TBCA: variants seen among roughly 807,000 people sequenced by gnomAD.
TBCA encodes tubulin folding cofactor A.
In TBCA, 6 loss-of-function variants were observed where a neutral mutation model predicts 15.8. The ratio of observed to expected loss-of-function variants is 0.38; its 90% CI spans 0.21 to 0.75. The LOEUF is 0.75. Ranked by LOEUF, TBCA falls within the 30% of genes least tolerant of loss-of-function variation. TBCA has a pLI of 0.46. For missense variants in TBCA, 90 were observed against 131.2 expected (o/e 0.69, Z 1.53); for synonymous variants, 32 against 42.3 (o/e 0.76, Z 0.94).
At chr5:77,749,799 G>C (rs957874187) in intron 1 of TBCA, among the ~76,000 whole-genome samples, 38 of 152,190 alleles carry the variant, frequency 2.5e-4, no homozygotes, top group African/African-American at 8.2e-4. Context: ...CAAAACTTTG[G>C]AAACAATATA....
chr5:77,691,657 A>G, intron 3 of TBCA, 159 bp from the exon 4 acceptor site: 1 of 1,377,630 alleles, frequency 7.3e-7, no homozygotes, highest in Non-Finnish European at 9.3e-7. Flanking sequence ...CAGGTTTCCC[A>G]CATTCTGTTC....
At position 77,770,191 on chromosome 5, in the gene TBCA, A is replaced by G. The variant is rs564040403; in HGVS notation, c.53+6014T>C. On this transcript the variant is annotated intron_variant, in intron 1 of 3. Coordinates refer to ENST00000380377, the MANE Select transcript of TBCA (RefSeq NM_004607.3). The stretch of plus-strand genomic sequence containing the variant: ...CCACTTGGAAACTTTTTTGGTGCAG[A>G]TAAGTCACTTAGCTGAAATACCACA... Among the ~76,000 whole-genome samples the G allele has an allele frequency of 4.6e-5, 7 of 152,240 alleles. No homozygotes were observed. The South Asian group carries it at 1.4e-3, about 32-fold the overall frequency.
chr5:77,699,181 C>T (rs914996724), intron 2 of TBCA, among the ~76,000 whole-genome samples: 6 of 151,716 alleles, frequency 4.0e-5, no homozygotes, highest in Non-Finnish European at 7.4e-5. Context: ...ACTGGGACAT[C>T]AATTTGCCCC....
chr5:77,717,777 A>G lies in TBCA; in HGVS notation c.54-9430T>C, dbSNP rs145248210. ...AAACCAAGAGGCAGAGGTTGCAGTG[A>G]GCTGAGATCGTGCCATTACACTCCA... On this transcript the variant is annotated intron_variant, in intron 1 of 3. Transcript: ENST00000380377. Among the ~76,000 whole-genome samples the G allele has an allele frequency of 6.4e-3, 964 of 150,868 alleles. 13 individuals are homozygous for G. Among genetic ancestry groups the G allele is most frequent in the African/African-American group, 0.023 (929 of 41,034 alleles).
At chr5:77,739,966 C>CT (rs1469865597) in intron 1 of TBCA, among the ~76,000 whole-genome samples, 2 of 152,152 alleles carry the variant, frequency 1.3e-5, no homozygotes, top group Non-Finnish European at 2.9e-5. Context: ...TAGGGGAGGG[C>CT]TATTAAGAAT....
intron 1 of TBCA, among the ~76,000 whole-genome samples, chr5:77,756,595 A>G (rs1747481927): frequency 6.6e-6 from 1 of 151,938 alleles, no homozygotes; most frequent in Non-Finnish European, 1.5e-5. Context: ...CTTGCCCGCT[A>G]GAATTAGCAT....
chr5:77,743,874 G>A (rs1469129951), intron 1 of TBCA, among the ~76,000 whole-genome samples: 2 of 152,118 alleles, frequency 1.3e-5, no homozygotes, highest in African/African-American at 4.8e-5. Flanking sequence ...GCATATAATG[G>A]TAAATAAGAC....
intron 2 of TBCA, among the ~76,000 whole-genome samples, chr5:77,701,573 T>C (rs1229722990): frequency 6.6e-6 from 1 of 150,976 alleles, no homozygotes; most frequent in Non-Finnish European, 1.5e-5. Context: ...AAGACGTCAT[T>C]ATATGAAAAA....
intron 1 of TBCA, among the ~76,000 whole-genome samples, chr5:77,763,019 G>A (rs1011810475): frequency 6.6e-6 from 1 of 152,148 alleles, no homozygotes; most frequent in African/African-American, 2.4e-5. Context: ...CGAGGCAGGC[G>A]GATCACGAGG....
At position 77,691,364 on chromosome 5, in the gene TBCA, T is replaced by C. The variant is rs182872953; in HGVS notation, c.*54A>G. On this transcript the variant is annotated 3_prime_UTR_variant, in exon 4 of 4. Transcript: ENST00000380377. ...CATAGCAGTGGTCAAAAATAATGGA[T>C]TGTAAAATGGACCCCAGGATTTAAT... 5.0e-4 allele frequency: 721 copies of C among 1,449,444 alleles called. 3 individuals carry two copies. In the African/African-American group the frequency reaches 9.1e-3, roughly 18 times the overall value. 89.8% of individuals were successfully genotyped at this position (1,449,444 alleles called of 1,614,324 possible). A position where few individuals can be genotyped will look rare whatever the true frequency, so the allele number is the denominator to read the frequency against.
At chr5:77,736,995 A>C (rs1746924066) in intron 1 of TBCA, among the ~76,000 whole-genome samples, 1 of 152,254 alleles carries the variant, frequency 6.6e-6, no homozygotes, top group African/African-American at 2.4e-5. Flanking sequence ...ATATATGTAT[A>C]CATTGTTTCT....
At chr5:77,763,871 G>A (rs145095620) in intron 1 of TBCA, among the ~76,000 whole-genome samples, 1 of 152,254 alleles carries the variant, frequency 6.6e-6, no homozygotes, top group East Asian at 1.9e-4. Flanking sequence ...ATGACCAAAC[G>A]ATTTCATTCC....
intron 1 of TBCA, among the ~76,000 whole-genome samples, chr5:77,751,721 G>A (rs1214515696): frequency 3.9e-5 from 6 of 152,170 alleles, no homozygotes; most frequent in Admixed American, 1.3e-4. Flanking sequence ...CAGGGGAACT[G>A]CAAGAGAAAG....
At chr5:77,744,059 G>A (rs1036985743) in intron 1 of TBCA, among the ~76,000 whole-genome samples, 1 of 151,996 alleles carries the variant, frequency 6.6e-6, no homozygotes, top group African/African-American at 2.4e-5. Context: ...CCAACTCCAC[G>A]GACCCTAAAT....
chr5:77,713,143 A>G (rs1484863256), intron 1 of TBCA, among the ~76,000 whole-genome samples: 1 of 152,084 alleles, frequency 6.6e-6, no homozygotes, highest in Non-Finnish European at 1.5e-5. Flanking sequence ...AAAATTTTTA[A>G]AAATTAGCCA....
At chr5:77,763,438 G>A (rs1400527285) in intron 1 of TBCA, among the ~76,000 whole-genome samples, 2 of 152,130 alleles carry the variant, frequency 1.3e-5, no homozygotes, top group Non-Finnish European at 2.9e-5. Flanking sequence ...CAATCCCTTT[G>A]GAAGTCTGGC....
At chr5:77,752,948 C>T (rs1336900037) in intron 1 of TBCA, among the ~76,000 whole-genome samples, 1 of 152,134 alleles carries the variant, frequency 6.6e-6, no homozygotes. Context: ...CCACCTCAGC[C>T]TCTCAAAGTG....
At position 77,762,228 on chromosome 5, in the gene TBCA, T is replaced by C. The variant is rs190775120; in HGVS notation, c.53+13977A>G. Among the ~76,000 whole-genome samples, 8 of 152,322 alleles carry C rather than the reference T, an allele frequency of 5.3e-5. No individual in the cohort carries two copies. In the East Asian group the frequency reaches 1.3e-3, roughly 26 times the overall value. On this transcript the variant is annotated intron_variant, in intron 1 of 3. Transcript: ENST00000380377. The stretch of plus-strand genomic sequence containing the variant: ...AGTCATCACCAAATACTATATACCA[T>C]ATTGCCCATTTAAAAGAAATGTATT...
intron 1 of TBCA, among the ~76,000 whole-genome samples, chr5:77,774,051 T>C (rs1747968054): frequency 6.6e-6 from 1 of 152,148 alleles, no homozygotes; most frequent in Non-Finnish European, 1.5e-5. Context: ...ATTCAGGCCA[T>C]GATGGGAAGA....
Sources: gnomAD v4.1 joint callset for allele counts (sites outside exome capture counted in the v4.1 genomes callset) on GRCh38, gnomAD v4.1.1 for gene constraint, MANE v1.5 for transcripts, NCBI Gene and HGNC (gene_info 2026-07-23, HGNC 2026-07-21) for gene names.